CCNB3: variants seen among roughly 807,000 people sequenced by gnomAD.
The protein encoded by CCNB3 is cyclin B3.
A neutral mutation model predicts 68.0 loss-of-function variants in CCNB3; 12 were observed. That is an observed-to-expected ratio of 0.18 (90% CI 0.11 to 0.29). CCNB3 has a LOEUF of 0.29. CCNB3 is among the 10% of genes least tolerant of loss of function. The probability of loss-of-function intolerance (pLI) is 1.00; values close to 1 mark genes in which losing one functional copy is unlikely to be tolerated. For missense variants in CCNB3, 904 were observed against 993.1 expected, an observed-to-expected ratio of 0.91 and a Z score of 1.21; for synonymous variants, 354 against 388.9, an observed-to-expected ratio of 0.91 and a Z score of 1.06.
At chrX:50,292,352 A>T (rs1936363469) in intron 4 of CCNB3, among the ~76,000 whole-genome samples, 2 of 109,285 alleles carry the variant, frequency 1.8e-5, no homozygotes, top group South Asian at 8.0e-4. Context: ...ATTTTTGAGG[A>T]TGCAGTCCCA....
At chrX:50,208,810 A>G (rs1335879185) in intron 1 of CCNB3, among the ~76,000 whole-genome samples, 1 of 112,051 alleles carries the variant, frequency 8.9e-6, no homozygotes, top group Non-Finnish European at 1.9e-5. Context: ...TGACAGATGT[A>G]GAATTGGTGT....
At chrX:50,214,547 C>A in intron 1 of CCNB3, among the ~76,000 whole-genome samples, 1 of 57,661 alleles carries the variant, frequency 1.7e-5, no homozygotes, top group Non-Finnish European at 3.4e-5. Context: ...TATATGGTAT[C>A]ATCTATTCTA....
At chrX:50,227,006 G>A (rs1316643831) in intron 1 of CCNB3, among the ~76,000 whole-genome samples, 1 of 66,070 alleles carries the variant, frequency 1.5e-5, no homozygotes, top group Non-Finnish European at 2.6e-5. Flanking sequence ...TAAATATATA[G>A]AAAATATATA....
At chrX:50,225,342 G>A (rs917531116) in intron 1 of CCNB3, among the ~76,000 whole-genome samples, 3 of 111,533 alleles carry the variant, frequency 2.7e-5, no homozygotes, top group Admixed American at 1.9e-4. Context: ...GACTATTATG[G>A]TTGGAGAGCA....
intron 1 of CCNB3, among the ~76,000 whole-genome samples, chrX:50,227,068 C>T (rs1935864313): frequency 1.4e-5 from 1 of 69,103 alleles, no homozygotes; most frequent in African/African-American, 6.0e-5. Flanking sequence ...AATATATATA[C>T]AAATATAAAG....
At chrX:50,332,205 A>G (rs1223736201) in intron 8 of CCNB3, among the ~76,000 whole-genome samples, 2 of 111,218 alleles carry the variant, frequency 1.8e-5, no homozygotes, top group African/African-American at 6.5e-5. Flanking sequence ...TATATCATTT[A>G]CGAGTCCCCA....
chrX:50,341,329 C>CAAAA (rs548955340), intron 8 of CCNB3, among the ~76,000 whole-genome samples: 1 of 86,714 alleles, frequency 1.2e-5, no homozygotes, highest in African/African-American at 4.1e-5. Flanking sequence ...AACTCCGTCT[C>CAAAA]AATAAATAAA....
At chrX:50,320,698 A>G (rs890043983) in intron 8 of CCNB3, among the ~76,000 whole-genome samples, 2 of 110,226 alleles carry the variant, frequency 1.8e-5, no homozygotes, top group African/African-American at 3.3e-5. Flanking sequence ...TTTCTGTGTA[A>G]TAATTCTGTT....
chrX:50,308,376 C>T, intron 5 of CCNB3, 129 bp from the exon 6 acceptor site: 1 of 469,749 alleles, frequency 2.1e-6, no homozygotes, highest in Non-Finnish European at 3.7e-6. Context: ...TTTTGTCCCT[C>T]TAATCTGTCT....
intron 8 of CCNB3, among the ~76,000 whole-genome samples, chrX:50,340,280 T>G (rs1923059640): frequency 8.9e-6 from 1 of 111,803 alleles, no homozygotes; most frequent in African/African-American, 3.3e-5. Context: ...TCACTCAATA[T>G]AAGGGAGAAT....
At chrX:50,280,327 A>G (rs1186600917) in intron 1 of CCNB3, among the ~76,000 whole-genome samples, 1 of 103,457 alleles carries the variant, frequency 9.7e-6, no homozygotes, top group Non-Finnish European at 1.9e-5. Context: ...ATAGATTTAA[A>G]TATACCTATA....
intron 5 of CCNB3, among the ~76,000 whole-genome samples, chrX:50,301,132 C>G (rs1324343438): frequency 2.7e-5 from 3 of 111,555 alleles, no homozygotes; most frequent in Non-Finnish European, 5.6e-5. Flanking sequence ...CTTCTCTCAA[C>G]TCGTCAAAGT....
chrX:50,315,343 A>C (rs1174384544), intron 8 of CCNB3, among the ~76,000 whole-genome samples: 1 of 112,367 alleles, frequency 8.9e-6, no homozygotes, highest in Admixed American at 9.5e-5. Context: ...TAGTGCTTTT[A>C]TAACTCTTTG....
intron 1 of CCNB3, among the ~76,000 whole-genome samples, chrX:50,279,356 A>G (rs1291267785): frequency 2.6e-5 from 2 of 77,086 alleles, no homozygotes; most frequent in Admixed American, 1.9e-4. Flanking sequence ...TGAATATAGG[A>G]TATTTATATG....
rs549595221 is a variant in CCNB3 at position 50,301,945 on chromosome X, A to G, written c.336-6560A>G. On this transcript the variant is annotated intron_variant, in intron 5 of 12. Coordinates refer to ENST00000376042, the MANE Select transcript of CCNB3 (RefSeq NM_033031.3). ...GGACCCTCCGAGCCATGTGCGGGAT[A>G]TAATCTCCTGGTGTGCCATTTGTTA... Among the ~76,000 whole-genome samples, 191 of 112,826 alleles carry G rather than the reference A, an allele frequency of 1.7e-3. 1 individual carries two copies. The highest frequency in any genetic ancestry group is 5.9e-3 in the African/African-American group (183 of 31,135).
intron 1 of CCNB3, among the ~76,000 whole-genome samples, chrX:50,222,706 T>C (rs1461512036): frequency 9.0e-6 from 1 of 111,462 alleles, no homozygotes; most frequent in African/African-American, 3.3e-5. Flanking sequence ...CATTTTTTCC[T>C]TCATTTCAAC....
upstream of CCNB3, among the ~76,000 whole-genome samples, chrX:50,203,421 G>C (rs1393053602): frequency 8.9e-6 from 1 of 112,188 alleles, no homozygotes; most frequent in Admixed American, 9.4e-5. Flanking sequence ...ATGACACAAT[G>C]ACCATTTAGA....
chrX:50,206,209 C>G (rs782704430), intron 1 of CCNB3, among the ~76,000 whole-genome samples: 7 of 110,681 alleles, frequency 6.3e-5, no homozygotes, highest in African/African-American at 2.3e-4. Flanking sequence ...CGCCACTGCA[C>G]TCCAGCCTGG....
At chrX:50,226,718 C>CTATAAATATATAT (rs1935832588) in intron 1 of CCNB3, among the ~76,000 whole-genome samples, 1 of 66,354 alleles carries the variant, frequency 1.5e-5, no homozygotes, top group African/African-American at 6.0e-5. Context: ...AATATGTACA[C>CTATAAATATATAT]AGAATATACA....
Sources: gnomAD v4.1 joint callset for allele counts (sites outside exome capture counted in the v4.1 genomes callset) on GRCh38, gnomAD v4.1.1 for gene constraint, MANE v1.5 for transcripts, NCBI Gene and HGNC (gene_info 2026-07-23, HGNC 2026-07-21) for gene names.